PCNX1: variants seen among roughly 807,000 people sequenced by gnomAD.
PCNX1 encodes the protein pecanex 1, also known as pecanex-like protein 1.
A neutral mutation model predicts 242.2 loss-of-function variants in PCNX1; 78 were observed. The observed-to-expected ratio is 0.32, with a 90% confidence interval of 0.27 to 0.39. The LOEUF is 0.39. Among genes scored for constraint, PCNX1 ranks in the 10% least tolerant of loss-of-function variants. The probability of loss-of-function intolerance (pLI) is 1.00; values close to 1 mark genes in which losing one functional copy is unlikely to be tolerated. For synonymous variants in PCNX1, 1,024 were observed against 1,032.9 expected (o/e 0.99, Z 0.17); for missense variants, 2,581 against 2,856.5 (o/e 0.90, Z 2.20).
chr14:71,005,226 G>T (rs1206832760), intron 8 of PCNX1, among the ~76,000 whole-genome samples: 1 of 152,152 alleles, frequency 6.6e-6, no homozygotes. Flanking sequence ...CAACAGGCTG[G>T]GCGTGGTGGC....
chr14:71,073,421 A>G (rs2061635341), intron 26 of PCNX1, 124 bp from the exon 27 acceptor site: 2 of 922,148 alleles, frequency 2.2e-6, no homozygotes, highest in South Asian at 3.4e-5. Flanking sequence ...TTCTAAGGCA[A>G]ATCCATCACA....
At chr14:71,088,083 T>C (rs868324899) in intron 28 of PCNX1, among the ~76,000 whole-genome samples, 24 of 152,168 alleles carry the variant, frequency 1.6e-4, no homozygotes, top group Middle Eastern at 3.2e-3. Flanking sequence ...TATTTTATAA[T>C]AGAGTCAGTT....
At position 70,908,553 on chromosome 14, in the gene PCNX1, G is replaced by A. The variant is rs545805405; in HGVS notation, c.153+550G>A. 2.0e-5 allele frequency among the ~76,000 whole-genome samples: 3 copies of A among 152,358 alleles called. No individual in the cohort carries two copies. The South Asian group carries it at 6.2e-4, about 32-fold the overall frequency. On this transcript the variant is annotated intron_variant, in intron 1 of 35. Coordinates refer to ENST00000304743, the MANE Select transcript of PCNX1 (RefSeq NM_014982.3). Reference sequence around the variant, plus strand: ...GCGGCTCTGCTCCGAGTGTGTGTGGGGGTCGTCCGGGCTCGTCCTCCAGGG... The same window carrying A: ...GCGGCTCTGCTCCGAGTGTGTGTGGAGGTCGTCCGGGCTCGTCCTCCAGGG...
At chr14:70,945,672 A>G (rs1365690830) in intron 1 of PCNX1, among the ~76,000 whole-genome samples, 7 of 150,736 alleles carry the variant, frequency 4.6e-5, no homozygotes, top group Non-Finnish European at 1.0e-4. Flanking sequence ...TTTGAGGTTA[A>G]CTTTTTTTTT....
At chr14:70,935,279 T>C (rs2056956355) in intron 1 of PCNX1, among the ~76,000 whole-genome samples, 1 of 152,200 alleles carries the variant, frequency 6.6e-6, no homozygotes, top group South Asian at 2.1e-4. Flanking sequence ...GGGCACAGTG[T>C]CTCATGCCTG....
intron 1 of PCNX1, among the ~76,000 whole-genome samples, chr14:70,923,720 G>C (rs532524448): frequency 6.6e-6 from 1 of 152,078 alleles, no homozygotes; most frequent in Non-Finnish European, 1.5e-5. Flanking sequence ...AGGGCTTCTT[G>C]AGTTGTTTTA....
At chr14:70,973,994 A>G (rs931453268) in intron 5 of PCNX1, among the ~76,000 whole-genome samples, 1 of 151,884 alleles carries the variant, frequency 6.6e-6, no homozygotes, top group Non-Finnish European at 1.5e-5. Flanking sequence ...GCAGCCCCTG[A>G]CAACCTCTAG....
In PCNX1 at chr14:70,977,713, G is replaced by C; in HGVS notation, c.1376G>C (p.Ser459Thr). Residue 459 changes from serine to threonine, a missense_variant, in exon 6 of 36, where the codon AGT (serine) becomes ACT (threonine). Ser to Thr is a moderately conservative substitution (Grantham distance 58, BLOSUM62 1). Transcript: ENST00000304743. ...TSSEKIAMEA[S>T]TNSGVHEAKD... ...AGTGAAAAGATTGCTATGGAAGCGA[G>C]TACCAACAGTGGGGTTCACGAGGCC... 1 of 1,614,104 alleles carries C rather than the reference G, an allele frequency of 6.2e-7. No individual in the cohort carries two copies.
chr14:70,988,148 C>A (rs937461312), intron 6 of PCNX1, among the ~76,000 whole-genome samples: 1 of 152,010 alleles, frequency 6.6e-6, no homozygotes, highest in African/African-American at 2.4e-5. Context: ...TTTTACAATA[C>A]GAATATAAGA....
At chr14:70,949,267 ATGCACACACGTGTATACACACACGTGTG>A (rs1232634950) in intron 2 of PCNX1, among the ~76,000 whole-genome samples, 6 of 23,820 alleles carry the variant, frequency 2.5e-4, no homozygotes, top group African/African-American at 5.3e-4. Context: ...ACACACGTGT[ATGCACACACGTGTATACACACACGTGTG>A]TACACACATA....
intron 1 of PCNX1, among the ~76,000 whole-genome samples, chr14:70,917,144 A>G (rs773490149): frequency 6.6e-6 from 1 of 152,164 alleles, no homozygotes; most frequent in Non-Finnish European, 1.5e-5. Context: ...TTTTCACCAC[A>G]TCTGTGGGAT....
rs146857668 is a variant in PCNX1, at chr14:70,963,897, C to T, written c.468+1566C>T. On this transcript the variant is annotated intron_variant, in intron 3 of 35. Transcript: ENST00000304743. The stretch of plus-strand genomic sequence containing the variant: ...CGACTGTTCTCTTGTGTGTTCATCA[C>T]TGTATCATGCGGCTCATTCGGACTG... Among the ~76,000 whole-genome samples the T allele has an allele frequency of 2.9e-3, 439 of 152,282 alleles. 5 individuals carry two copies. The highest frequency in any genetic ancestry group is 0.022 in the South Asian group (105 of 4,830).
At chr14:70,924,265 G>GA (rs2056501710) in intron 1 of PCNX1, among the ~76,000 whole-genome samples, 2 of 147,050 alleles carry the variant, frequency 1.4e-5, no homozygotes, top group Non-Finnish European at 1.5e-5. Context: ...AGAAAAAACA[G>GA]AAAAAAACCT....
At chr14:71,042,710 G>A (rs2060745135) in intron 19 of PCNX1, among the ~76,000 whole-genome samples, 1 of 151,996 alleles carries the variant, frequency 6.6e-6, no homozygotes, top group African/African-American at 2.4e-5. Flanking sequence ...GGGAATTTAA[G>A]CCATTTACAT....
At chr14:70,925,236 G>C (rs954665757) in intron 1 of PCNX1, among the ~76,000 whole-genome samples, 1 of 152,158 alleles carries the variant, frequency 6.6e-6, no homozygotes, top group Non-Finnish European at 1.5e-5. Flanking sequence ...TGATCTGCCT[G>C]CTTCAGCCTC....
chr14:70,937,415 G>C (rs900772343), intron 1 of PCNX1, among the ~76,000 whole-genome samples: 2 of 152,186 alleles, frequency 1.3e-5, no homozygotes, highest in African/African-American at 4.8e-5. Context: ...TCTTGTTTCT[G>C]TCAGATTTGT....
Position 70,960,515 on chromosome 14 carries a change from C to G in PCNX1, c.363-1711C>G, listed in dbSNP as rs1206666217. 4.6e-5 allele frequency among the ~76,000 whole-genome samples: 7 copies of G among 152,196 alleles called. No homozygotes were observed. The East Asian group carries it at 1.4e-3, about 29-fold the overall frequency. ...TAAATTAGGTATCGATGGGACGTAT[C>G]TCAAAATAATAAGAGCTATCTATGA... On this transcript the variant is annotated intron_variant, in intron 2 of 35. Coordinates refer to ENST00000304743, the MANE Select transcript of PCNX1 (RefSeq NM_014982.3).
chr14:71,069,458 C>T (rs1224095790), intron 26 of PCNX1, among the ~76,000 whole-genome samples: 1 of 152,120 alleles, frequency 6.6e-6, no homozygotes, highest in Admixed American at 6.6e-5. Flanking sequence ...TTAAAAGACA[C>T]TTTATAATAT....
At chr14:71,092,367 G>A (rs1047833724) in intron 30 of PCNX1, among the ~76,000 whole-genome samples, 5 of 152,176 alleles carry the variant, frequency 3.3e-5, no homozygotes, top group African/African-American at 7.2e-5. Flanking sequence ...AAGAAAAAGC[G>A]ACATCATTAT....
Sources: allele counts gnomAD v4.1 joint callset (sites outside exome capture counted in the v4.1 genomes callset), GRCh38; gene constraint gnomAD v4.1.1; transcripts MANE v1.5; gene names NCBI Gene and HGNC (gene_info 2026-07-23, HGNC 2026-07-21).